The following GORAB variants were observed in gnomAD, a reference collection of about 807,000 sequenced individuals.
GORAB encodes RAB6-interacting golgin.
Under a neutral mutation model 29.9 loss-of-function variants are expected in GORAB, and 17 were observed. That is an observed-to-expected ratio of 0.57 (90% CI 0.39 to 0.85). The LOEUF (loss-of-function observed/expected upper bound fraction) is 0.85. Among genes scored for constraint, GORAB ranks in the 40% least tolerant of loss-of-function variants. GORAB has a pLI of 0.00. For synonymous variants in GORAB, 183 were observed against 157.2 expected (o/e 1.16, Z -1.23); for missense variants, 442 against 437.8 (o/e 1.01, Z -0.09).
rs1649275750 is a variant in GORAB, at chr1:170,539,492, C to T, written c.344C>T (p.Ser115Phe). ...CCAAAGGAACTGGGACTTGAGAATT[C>T]CCATGATGGTCACAACAATGTTGAG... ...SQPKELGLEN[S>F]HDGHNNVEIL... The change falls in exon 2 of 5, where the codon TCC becomes TTC. Residue 115 changes from serine to phenylalanine, a missense_variant. Coordinates refer to ENST00000367763, the MANE Select transcript of GORAB (RefSeq NM_152281.3). The T allele has an allele frequency of 6.2e-7, 1 of 1,613,968 alleles. No homozygotes were observed.
rs149924639 is a variant in GORAB at position 170,552,071 on chromosome 1, G to A, written c.719G>A (p.Arg240His). Residue 240 changes from arginine (R) to histidine (H), a missense_variant, in exon 5 of 5, where the codon CGC becomes CAC. Arg to His is a conservative substitution (Grantham distance 29, BLOSUM62 0). Transcript: ENST00000367763. ...ATTGCAGCAAAGCTAGATATACAGC[G>A]CAAGACTGAGATAAAAGAGCAACTC... The part of the protein sequence containing the change: ...EYIAAKLDIQ[R>H]KTEIKEQLTE... The A allele has an allele frequency of 1.6e-4, 256 of 1,613,972 alleles. No homozygotes were observed. In the East Asian group the frequency reaches 2.6e-3, roughly 16 times the overall value.
intron 2 of GORAB, 107 bp from the exon 3 acceptor site, chr1:170,542,384 C>G (rs1164306134): frequency 5.7e-6 from 4 of 698,490 alleles, no homozygotes; most frequent in Middle Eastern, 3.0e-4. Flanking sequence ...CATAAATCTT[C>G]TTGATTAAAT....
chr1:170,532,209 C>T lies in GORAB; in HGVS notation c.-15C>T, dbSNP rs144791627. 8.0e-5 allele frequency: 129 copies of T among 1,613,814 alleles called. No individual in the cohort carries two copies. Among genetic ancestry groups the T allele is most frequent in the Non-Finnish European group, 1.0e-4 (122 of 1,179,998 alleles). ...GAGATTTGGGCACTTTTGGGGGTGC[C>T]GGTGGCCCGGGCCGATGGCGCAAGG... On this transcript the variant is annotated 5_prime_UTR_variant, in exon 1 of 5. Transcript: ENST00000367763.
Position 170,539,333 on chromosome 1 carries a change from C to A in GORAB, c.185C>A (p.Pro62Gln), listed in dbSNP as rs150870759. 3 of 1,614,032 alleles carry A rather than the reference C, an allele frequency of 1.9e-6. No homozygotes were observed. The African/African-American group carries it at 4.0e-5, about 22-fold the overall frequency. Residue 62 changes from proline to glutamine, a missense_variant, in exon 2 of 5, where the codon CCA becomes CAA. By Grantham distance (76) the Pro-to-Gln change is moderately conservative. Coordinates refer to ENST00000367763, the MANE Select transcript of GORAB (RefSeq NM_152281.3). ...CAAGATGGATCAACCTCATTACTTC[C>A]AGAGCAGCTGCTTTCAGCACCAAAA... ...GLQDGSTSLLPEQLLSAPKQR... is the reference protein window; with the variant it reads ...GLQDGSTSLLQEQLLSAPKQR...
chr1:170,550,202 A>G (rs900805783), intron 4 of GORAB, among the ~76,000 whole-genome samples: 2 of 152,222 alleles, frequency 1.3e-5, no homozygotes, highest in Non-Finnish European at 2.9e-5. Context: ...TACCGACTCC[A>G]GTACATTTAA....
chr1:170,540,599 G>A (rs1221074958), intron 2 of GORAB, among the ~76,000 whole-genome samples: 1 of 152,106 alleles, frequency 6.6e-6, no homozygotes. Flanking sequence ...AACCTATATT[G>A]AACAAGTGCA....
chr1:170,533,281 T>G (rs999029042), intron 1 of GORAB, among the ~76,000 whole-genome samples: 6 of 152,150 alleles, frequency 3.9e-5, no homozygotes, highest in African/African-American at 1.4e-4. Context: ...AGAAGTAAAT[T>G]AGTAAGATAG....
intron 1 of GORAB, among the ~76,000 whole-genome samples, chr1:170,534,070 CA>C (rs1486486846): frequency 1.3e-5 from 2 of 152,076 alleles, no homozygotes; most frequent in Non-Finnish European, 2.9e-5. Flanking sequence ...CCTGTATGGG[CA>C]TTGAGGAACA....
chr1:170,545,136 T>G, intron 4 of GORAB: 1 of 1,072,650 alleles, frequency 9.3e-7, no homozygotes, highest in Non-Finnish European at 1.1e-6. Flanking sequence ...TTTGGAAGTG[T>G]TTTTGCTCAT....
intron 1 of GORAB, among the ~76,000 whole-genome samples, chr1:170,535,424 TTTAG>T (rs1188891513): frequency 2.0e-5 from 3 of 152,256 alleles, no homozygotes; most frequent in South Asian, 4.1e-4. Flanking sequence ...GCTGTCAATT[TTTAG>T]TTAAATTATT....
At position 170,553,210 on chromosome 1, in the gene GORAB, A is replaced by G. The variant is rs1650236829; in HGVS notation, c.*748A>G. 2.3e-6 allele frequency: 1 copy of G among 433,596 alleles called. No individual in the cohort carries two copies. Among genetic ancestry groups the G allele is most frequent in the African/African-American group, 2.0e-5 (1 of 48,824 alleles). The allele number at this position is 433,596 out of a possible 1,614,324, so 26.9% of individuals were successfully genotyped here. ...AAACATTTCTAAAGTGAGACTGAAA[A>G]TAATATAGAAAATCTCATTGCTACT... On this transcript the variant is annotated 3_prime_UTR_variant, in exon 5 of 5. Coordinates refer to ENST00000367763, the MANE Select transcript of GORAB (RefSeq NM_152281.3).
At chr1:170,541,296 G>T (rs956308044) in intron 2 of GORAB, among the ~76,000 whole-genome samples, 1 of 151,576 alleles carries the variant, frequency 6.6e-6, no homozygotes, top group Non-Finnish European at 1.5e-5. Context: ...AATGAGAAAG[G>T]ATCGGAAGCA....
At chr1:170,547,415 A>ACTGCTGCTG (rs1649829481) in intron 4 of GORAB, among the ~76,000 whole-genome samples, 1 of 2,588 alleles carries the variant, frequency 3.9e-4, no homozygotes, top group African/African-American at 4.3e-4. Context: ...TGCTGCTGCT[A>ACTGCTGCTG]CTGCTGCTAC....
chr1:170,536,831 A>G (rs1233355956), intron 1 of GORAB, among the ~76,000 whole-genome samples: 2 of 152,234 alleles, frequency 1.3e-5, no homozygotes, highest in African/African-American at 4.8e-5. Context: ...AACCCTTTTT[A>G]TAAAGTCAAA....
intron 4 of GORAB, among the ~76,000 whole-genome samples, chr1:170,546,825 A>C (rs1649792842): frequency 6.6e-6 from 1 of 151,970 alleles, no homozygotes. Context: ...GCCCAACTAT[A>C]GGTGCCCACC....
chr1:170,542,463 T>G (rs7538037), intron 2 of GORAB, 28 bp from the exon 3 acceptor site: 1 of 1,426,062 alleles, frequency 7.0e-7, no homozygotes, highest in South Asian at 1.1e-5. Context: ...TTTCATAAAC[T>G]CATTTTTATG....
At chr1:170,545,030 C>T in intron 4 of GORAB, 185 bp downstream of exon 4, 2 of 1,323,244 alleles carry the variant, frequency 1.5e-6, no homozygotes, top group Admixed American at 3.2e-5. Flanking sequence ...CTTAACTCTG[C>T]CCTACTAGTT....
intron 4 of GORAB, among the ~76,000 whole-genome samples, chr1:170,551,393 C>T (rs955366831): frequency 6.6e-6 from 1 of 152,214 alleles, no homozygotes; most frequent in Non-Finnish European, 1.5e-5. Context: ...TATCATTTTG[C>T]TGGGTGTGCT....
chr1:170,551,977 G>GA, intron 4 of GORAB, 38 bp from the exon 5 acceptor site: 1 of 1,564,414 alleles, frequency 6.4e-7, no homozygotes, highest in Non-Finnish European at 8.8e-7. Flanking sequence ...TTCTTCAATG[G>GA]AAAACTGATG....
Sources: gnomAD v4.1 joint callset for allele counts (sites outside exome capture counted in the v4.1 genomes callset) on GRCh38, gnomAD v4.1.1 for gene constraint, MANE v1.5 for transcripts, NCBI Gene and HGNC (gene_info 2026-07-23, HGNC 2026-07-21) for gene names.